CBLB: variants seen among roughly 807,000 people sequenced by gnomAD.
CBLB encodes Cbl proto-oncogene B.
A neutral mutation model predicts 104.9 loss-of-function variants in CBLB; 31 were observed. The ratio of observed to expected loss-of-function variants is 0.30; its 90% CI spans 0.22 to 0.40. The LOEUF (loss-of-function observed/expected upper bound fraction) is 0.40, where lower values mean the gene tolerates loss of function less well. CBLB is among the 10% of genes least tolerant of loss of function. CBLB has a pLI of 1.00. For missense variants in CBLB, 1,062 were observed against 1,214.6 expected (o/e 0.87, Z 1.87); for synonymous variants, 440 against 422.6 (o/e 1.04, Z -0.51).
At chr3:105,780,667 T>TG (rs1311488570) in intron 3 of CBLB, among the ~76,000 whole-genome samples, 6 of 121,242 alleles carry the variant, frequency 4.9e-5, no homozygotes, top group African/African-American at 9.8e-5. Flanking sequence ...TTTGTTTTTT[T>TG]TTTTTTTTTT....
At chr3:105,781,945 G>A (rs1260959007) in intron 3 of CBLB, among the ~76,000 whole-genome samples, 1 of 152,108 alleles carries the variant, frequency 6.6e-6, no homozygotes, top group Non-Finnish European at 1.5e-5. Flanking sequence ...AAACAGTGGT[G>A]CTTAAAATGA....
At chr3:105,849,618 G>C (rs1056213332) in intron 3 of CBLB, among the ~76,000 whole-genome samples, 7 of 152,024 alleles carry the variant, frequency 4.6e-5, no homozygotes, top group Admixed American at 4.6e-4. Flanking sequence ...CATCTACTGA[G>C]TTAGAAAATG....
At chr3:105,676,338 TTAAGA>T (rs1455049072) in intron 17 of CBLB, among the ~76,000 whole-genome samples, 2 of 152,154 alleles carry the variant, frequency 1.3e-5, no homozygotes, top group Admixed American at 1.3e-4. Context: ...AAATGAACAA[TTAAGA>T]TAAAATAAAT....
At chr3:105,797,379 G>A (rs13090949) in intron 3 of CBLB, among the ~76,000 whole-genome samples, 119,412 of 152,016 alleles carry the variant, frequency 0.79, 47,838 homozygotes, top group Middle Eastern at 0.89. Flanking sequence ...CTCACTTGAT[G>A]TTTAGTTCTC....
chr3:105,853,591 G>A lies in CBLB; in HGVS notation c.242C>T (p.Thr81Ile). The change falls in exon 3 of 19, where the codon ACA (threonine) becomes ATA (isoleucine). Residue 81 changes from threonine to isoleucine, a missense_variant. By Grantham distance (89) the Thr-to-Ile change is moderately conservative. Transcript: ENST00000394030. ...CAATATAAGTCGTAAATGCTGATAT[G>A]TATCAGGCAAAATATCAAGTATATA... ...PPYILDILPD[T>I]YQHLRLILSK... is the part of the protein sequence containing the mutation. 1.9e-6 allele frequency: 3 copies of A among 1,610,608 alleles called. No individual in the cohort carries two copies. Among genetic ancestry groups the A allele is most frequent in the Non-Finnish European group, 2.5e-6 (3 of 1,177,210 alleles).
chr3:105,852,405 TA>T (rs1250804810), intron 3 of CBLB, among the ~76,000 whole-genome samples: 2 of 152,222 alleles, frequency 1.3e-5, no homozygotes, highest in African/African-American at 2.4e-5. Context: ...AAATTTTTTT[TA>T]AAACTTAATT....
At chr3:105,678,180 G>C (rs772333487) in intron 17 of CBLB, among the ~76,000 whole-genome samples, 3 of 152,130 alleles carry the variant, frequency 2.0e-5, no homozygotes, top group African/African-American at 7.2e-5. Context: ...GAGGTTTCTG[G>C]ACTGGACAAT....
At chr3:105,771,468 G>T (rs1431747939) in intron 4 of CBLB, among the ~76,000 whole-genome samples, 1 of 152,002 alleles carries the variant, frequency 6.6e-6, no homozygotes, top group Non-Finnish European at 1.5e-5. Flanking sequence ...CCTGAGAATT[G>T]TAACCAGATA....
intron 3 of CBLB, among the ~76,000 whole-genome samples, chr3:105,837,942 G>C (rs1413675921): frequency 6.6e-6 from 1 of 151,854 alleles, no homozygotes; most frequent in East Asian, 1.9e-4. Flanking sequence ...GAATACATCA[G>C]GATTTTCAAA....
Position 105,788,640 on chromosome 3 carries a change from T to C in CBLB, c.420-12098A>G, listed in dbSNP as rs569275699. 2.2e-4 allele frequency among the ~76,000 whole-genome samples: 33 copies of C among 152,264 alleles called. No homozygotes were observed. The South Asian group carries it at 5.4e-3, about 25-fold the overall frequency. On this transcript the variant is annotated intron_variant, in intron 3 of 18. Coordinates refer to ENST00000394030, the MANE Select transcript of CBLB (RefSeq NM_170662.5). ...AGTCTTCTGATCCCTAAAACATACA[T>C]TGTAAAAGTACTTAGCTAATTTTGT...
chr3:105,719,769 G>C (rs186905851), intron 10 of CBLB, among the ~76,000 whole-genome samples: 2 of 152,278 alleles, frequency 1.3e-5, no homozygotes, highest in Non-Finnish European at 2.9e-5. Flanking sequence ...CATAGTCTCA[G>C]ATAGGTTCTT....
chr3:105,704,052 C>T lies in CBLB; in HGVS notation c.1529G>A (p.Arg510His), dbSNP rs756150934. 3.1e-6 allele frequency: 5 copies of T among 1,614,052 alleles called. No homozygotes were observed. The highest frequency in any genetic ancestry group is 2.2e-5 in the South Asian group (2 of 91,074). Residue 510 changes from arginine (R) to histidine (H), a missense_variant, in exon 11 of 19, where the codon CGC (arginine) becomes CAC (histidine). Around this residue, in one of 2 missense-constraint regions of CBLB, gnomAD observed 457 missense variants for 632.0 expected, o/e 0.72. Coordinates refer to ENST00000394030, the MANE Select transcript of CBLB (RefSeq NM_170662.5). Reference sequence around the variant, plus strand: ...TATGCCTTTCTGAATTAGATCCAGGCGAGGAGGCACGGGTGGCAGGCTTAG... The same window carrying T: ...TATGCCTTTCTGAATTAGATCCAGGTGAGGAGGCACGGGTGGCAGGCTTAG... ...PHLSLPPVPPRLDLIQKGIVR... is the reference protein window; with the variant it reads ...PHLSLPPVPPHLDLIQKGIVR...
rs140412295 is a variant in CBLB at position 105,681,581 on chromosome 3, C to T, written c.2326G>A (p.Val776Met). ...GDVFDSASDP[V>M]PLPPARPPTR... ...GGAGGCCTGGCAGGTGGTAATGGCA[C>T]GGGATCAGAGGCTGAATCAAAAACA... The change falls in exon 16 of 19, where the codon GTG becomes ATG. Residue 776 changes from valine (V) to methionine (M), a missense_variant. By Grantham distance (21) the Val-to-Met change is conservative. This residue lies in a region of CBLB where 605 missense variants were observed against 582.6 expected (regional missense o/e 1.04). Coordinates refer to ENST00000394030, the MANE Select transcript of CBLB (RefSeq NM_170662.5). 58 of 1,613,842 alleles carry T rather than the reference C, an allele frequency of 3.6e-5. No individual in the cohort carries two copies. The highest frequency in any genetic ancestry group is 1.5e-4 in the Admixed American group (9 of 59,996).
At chr3:105,777,149 G>A (rs2079577178) in intron 3 of CBLB, among the ~76,000 whole-genome samples, 1 of 152,184 alleles carries the variant, frequency 6.6e-6, no homozygotes, top group Non-Finnish European at 1.5e-5. Context: ...AATAACATGA[G>A]ACAGAGTAAG....
At chr3:105,729,511 A>T (rs1333937064) in intron 9 of CBLB, among the ~76,000 whole-genome samples, 1 of 152,080 alleles carries the variant, frequency 6.6e-6, no homozygotes, top group Non-Finnish European at 1.5e-5. Context: ...AACAAAAACA[A>T]TGTCTTTAAG....
chr3:105,812,821 T>C (rs146662145), intron 3 of CBLB, among the ~76,000 whole-genome samples: 3 of 152,192 alleles, frequency 2.0e-5, no homozygotes, highest in Admixed American at 6.5e-5. Context: ...ACCTTCTTCT[T>C]GAATGCTGTT....
rs771034102 is a variant in CBLB at position 105,702,324 on chromosome 3, G to C, written c.1729C>G (p.His577Asp). 3.7e-6 allele frequency: 6 copies of C among 1,613,920 alleles called. No homozygotes were observed. Among genetic ancestry groups the C allele is most frequent in the Middle Eastern group, 1.7e-4 (1 of 6,060 alleles). Residue 577 changes from histidine (H) to aspartate (D), a missense_variant, in exon 12 of 19, where the codon CAT becomes GAT. By Grantham distance (81) the His-to-Asp change is moderately conservative. Around this residue, in one of 2 missense-constraint regions of CBLB, gnomAD observed 605 missense variants for 582.6 expected, o/e 1.04. Coordinates refer to ENST00000394030, the MANE Select transcript of CBLB (RefSeq NM_170662.5). ...PDNRLSRHIH[H>D]VESVPSRDPP... ...TCTCTGGAAGGCACGCTTTCCACAT[G>C]ATGGATGTGTCTACTCAGTCTATTG...
At chr3:105,732,490 A>G (rs762485679) in intron 9 of CBLB, among the ~76,000 whole-genome samples, 2 of 152,204 alleles carry the variant, frequency 1.3e-5, no homozygotes, top group Non-Finnish European at 2.9e-5. Flanking sequence ...AGCCAAATGC[A>G]TATGAAGAAG....
intron 6 of CBLB, among the ~76,000 whole-genome samples, chr3:105,743,294 C>T (rs1362368097): frequency 1.3e-5 from 2 of 151,642 alleles, no homozygotes; most frequent in Non-Finnish European, 2.9e-5. Flanking sequence ...CCCGTCTCCA[C>T]TAAAAATACA....
Sources: gnomAD v4.1 joint callset for allele counts (sites outside exome capture counted in the v4.1 genomes callset) on GRCh38, gnomAD v4.1.1 for gene constraint, gnomAD v4.1.1 regional missense constraint, MANE v1.5 for transcripts, NCBI Gene and HGNC (gene_info 2026-07-23, HGNC 2026-07-21) for gene names.